The following SPSB4 variants were observed in gnomAD, a reference collection of about 807,000 sequenced individuals.
The protein encoded by SPSB4 is SPRY domain-containing SOCS box protein 4.
In SPSB4, 21 loss-of-function variants were observed where a neutral mutation model predicts 20.9. That is an observed-to-expected ratio of 1.01 (90% confidence interval 0.71 to 1.45). SPSB4 has a LOEUF of 1.45. SPSB4 is among the 40% of genes most tolerant of loss of function. The probability of loss-of-function intolerance (pLI) is 0.00; values close to 1 mark genes in which losing one functional copy is unlikely to be tolerated. For synonymous variants in SPSB4, 207 were observed against 183.8 expected, an observed-to-expected ratio of 1.13 and a Z score of -1.02; for missense variants, 399 against 399.2, an observed-to-expected ratio of 1.00 and a Z score of 0.00.
intron 2 of SPSB4, among the ~76,000 whole-genome samples, chr3:141,146,503 G>A (rs1462737136): frequency 6.6e-5 from 10 of 152,120 alleles, no homozygotes; most frequent in African/African-American, 9.7e-5. Flanking sequence ...CAGGCCGGGC[G>A]CGGTGGCTCA....
intron 1 of SPSB4, among the ~76,000 whole-genome samples, chr3:141,055,295 C>T (rs1041394048): frequency 4.6e-5 from 7 of 152,060 alleles, no homozygotes; most frequent in Admixed American, 4.6e-4. Context: ...TCTGCTTCTG[C>T]TAGAAGGGGC....
chr3:141,061,218 T>C (rs1008472503), intron 1 of SPSB4, among the ~76,000 whole-genome samples: 2 of 152,048 alleles, frequency 1.3e-5, no homozygotes, highest in Non-Finnish European at 2.9e-5. Context: ...TTAGGTGAAA[T>C]AATCTAAATA....
intron 2 of SPSB4, among the ~76,000 whole-genome samples, chr3:141,079,845 C>T (rs2107786001): frequency 6.6e-6 from 1 of 152,166 alleles, no homozygotes; most frequent in Non-Finnish European, 1.5e-5. Context: ...CAGAGGGAGC[C>T]ATGTGAAGAT....
intron 2 of SPSB4, among the ~76,000 whole-genome samples, chr3:141,098,211 A>T (rs1435457450): frequency 6.6e-6 from 1 of 152,270 alleles, no homozygotes; most frequent in African/African-American, 2.4e-5. Context: ...AATAGCTGAT[A>T]GGACCACTCC....
intron 1 of SPSB4, among the ~76,000 whole-genome samples, chr3:141,063,874 T>G (rs1937813975): frequency 6.6e-6 from 1 of 152,254 alleles, no homozygotes; most frequent in South Asian, 2.1e-4. Flanking sequence ...GTTGTTGTAG[T>G]GACTTCCTTT....
At chr3:141,108,876 A>G (rs900928151) in intron 2 of SPSB4, among the ~76,000 whole-genome samples, 4 of 152,208 alleles carry the variant, frequency 2.6e-5, no homozygotes, top group East Asian at 1.9e-4. Context: ...AGGGCACAGC[A>G]TGTGTGAAGG....
intron 2 of SPSB4, among the ~76,000 whole-genome samples, chr3:141,083,863 G>A (rs1014063866): frequency 4.6e-5 from 7 of 151,862 alleles, no homozygotes; most frequent in Admixed American, 3.3e-4. Flanking sequence ...GAGACTCCTC[G>A]TTTGACTCTG....
intron 2 of SPSB4, among the ~76,000 whole-genome samples, chr3:141,096,732 C>T (rs1187355339): frequency 2.0e-5 from 3 of 152,314 alleles, no homozygotes; most frequent in East Asian, 3.9e-4. Flanking sequence ...CCAAGTTGCA[C>T]GTGACTTCTT....
At chr3:141,128,494 G>C (rs1303385151) in intron 2 of SPSB4, among the ~76,000 whole-genome samples, 2 of 152,142 alleles carry the variant, frequency 1.3e-5, no homozygotes, top group Non-Finnish European at 2.9e-5. Flanking sequence ...CAGAAGGTGG[G>C]TGTGGAGCTT....
chr3:141,078,213 G>A (rs1938156201), intron 2 of SPSB4, among the ~76,000 whole-genome samples: 1 of 152,180 alleles, frequency 6.6e-6, no homozygotes, highest in African/African-American at 2.4e-5. Context: ...TAGCATACTT[G>A]CCTGGACCTC....
At chr3:141,094,779 C>T (rs1222551963) in intron 2 of SPSB4, among the ~76,000 whole-genome samples, 9 of 142,296 alleles carry the variant, frequency 6.3e-5, no homozygotes, top group African/African-American at 2.3e-4. Context: ...CCCCGCCCCC[C>T]GCCCCTTTGC....
intron 2 of SPSB4, among the ~76,000 whole-genome samples, chr3:141,141,626 A>G (rs1375731426): frequency 3.3e-5 from 5 of 152,178 alleles, no homozygotes; most frequent in Admixed American, 6.5e-5. Context: ...ATTAGTACCA[A>G]TTCTTCTTTG....
At chr3:141,095,924 A>G (rs534425195) in intron 2 of SPSB4, among the ~76,000 whole-genome samples, 15 of 152,200 alleles carry the variant, frequency 9.9e-5, no homozygotes, top group Non-Finnish European at 2.1e-4. Context: ...TTCCTCATCC[A>G]TCCTTCTTAC....
At chr3:141,082,789 C>A (rs954125047) in intron 2 of SPSB4, among the ~76,000 whole-genome samples, 1 of 152,222 alleles carries the variant, frequency 6.6e-6, no homozygotes, top group African/African-American at 2.4e-5. Flanking sequence ...GGACTCTAGT[C>A]TGCCTGATTT....
chr3:141,116,842 T>G (rs1469657554), intron 2 of SPSB4, among the ~76,000 whole-genome samples: 1 of 152,186 alleles, frequency 6.6e-6, no homozygotes, highest in Non-Finnish European at 1.5e-5. Context: ...TTTGAAAATA[T>G]GTCAACACTC....
At chr3:141,090,543 A>G (rs1306827729) in intron 2 of SPSB4, among the ~76,000 whole-genome samples, 1 of 152,132 alleles carries the variant, frequency 6.6e-6, no homozygotes, top group Non-Finnish European at 1.5e-5. Context: ...CTATGTGGGT[A>G]TCTCTGGGGA....
Sources: gnomAD v4.1 joint callset for allele counts (sites outside exome capture counted in the v4.1 genomes callset) on GRCh38, gnomAD v4.1.1 for gene constraint, MANE v1.5 for transcripts, NCBI Gene and HGNC (gene_info 2026-07-23, HGNC 2026-07-21) for gene names.